ANKHD1: variants seen among roughly 807,000 people sequenced by gnomAD.
ANKHD1 encodes the protein ankyrin repeat and KH domain containing 1.
Under a neutral mutation model 230.5 loss-of-function variants are expected in ANKHD1, and 31 were observed. The ratio of observed to expected loss-of-function variants is 0.13; its 90% CI spans 0.10 to 0.18. The LOEUF is 0.18. Among genes scored for constraint, ANKHD1 ranks in the 10% least tolerant of loss-of-function variants. ANKHD1 has a pLI of 1.00. For missense variants in ANKHD1, 2,256 were observed against 3,071.3 expected, an observed-to-expected ratio of 0.73 and a Z score of 6.27; for synonymous variants, 1,074 against 1,117.6, an observed-to-expected ratio of 0.96 and a Z score of 0.78.
chr5:140,479,752 A>ATATACC (rs891910468), intron 10 of ANKHD1, among the ~76,000 whole-genome samples: 17 of 149,630 alleles, frequency 1.1e-4, no homozygotes, highest in African/African-American at 3.4e-4. Context: ...ATACTTATAT[A>ATATACC]TATACCTATG....
intron 11 of ANKHD1, among the ~76,000 whole-genome samples, chr5:140,483,072 A>T (rs1420864176): frequency 6.6e-6 from 1 of 152,192 alleles, no homozygotes; most frequent in African/African-American, 2.4e-5. Context: ...GGTCTTATTT[A>T]TAATTTTTAT....
intron 9 of ANKHD1, among the ~76,000 whole-genome samples, chr5:140,462,724 C>CAAAAAAAAAAAAAAAA (rs70988762): frequency 1.1e-4 from 10 of 88,984 alleles, no homozygotes; most frequent in South Asian, 5.1e-4. Flanking sequence ...GACTCCATCT[C>CAAAAAAAAAAAAAAAA]AAAAAAAAAA....
At chr5:140,431,302 A>G (rs1466343746) in intron 1 of ANKHD1, among the ~76,000 whole-genome samples, 2 of 152,160 alleles carry the variant, frequency 1.3e-5, no homozygotes, top group Non-Finnish European at 2.9e-5. Flanking sequence ...ATTTTATCAT[A>G]TGGGTCAGAT....
At chr5:140,520,941 A>AG (rs879486986) in intron 24 of ANKHD1, among the ~76,000 whole-genome samples, 6 of 151,976 alleles carry the variant, frequency 3.9e-5, no homozygotes, top group Admixed American at 2.0e-4. Flanking sequence ...AAAAAAAAAA[A>AG]AAAAGACTAT....
chr5:140,445,330 C>T (rs911984600), intron 5 of ANKHD1, among the ~76,000 whole-genome samples: 10 of 152,028 alleles, frequency 6.6e-5, no homozygotes, highest in African/African-American at 2.4e-4. Flanking sequence ...CATGGTGAAA[C>T]CCTGTCTCTC....
At chr5:140,449,380 T>C (rs1774527880) in intron 7 of ANKHD1, 75 bp downstream of exon 7, 1 of 1,507,538 alleles carries the variant, frequency 6.6e-7, no homozygotes, top group Admixed American at 2.0e-5. Flanking sequence ...TAAGAGTGAT[T>C]AATTGCCAGT....
intron 1 of ANKHD1, among the ~76,000 whole-genome samples, chr5:140,418,815 C>G (rs539106446): frequency 6.6e-6 from 1 of 152,318 alleles, no homozygotes; most frequent in East Asian, 1.9e-4. Context: ...ATTGCAGCCT[C>G]CAGTTCTTGG....
At position 140,505,226 on chromosome 5, in the gene ANKHD1, C is replaced by CA; in HGVS notation, c.3261dup (p.Gly1088ArgfsTer18). 6.2e-7 allele frequency: 1 copy of CA among 1,611,774 alleles called. No individual in the cohort carries two copies. The highest frequency in any genetic ancestry group is 8.5e-7 in the Non-Finnish European group (1 of 1,179,358). On this transcript the variant is annotated frameshift_variant, in exon 17 of 34. Coordinates refer to ENST00000360839, the MANE Select transcript of ANKHD1 (RefSeq NM_017747.3). LOFTEE classifies it high-confidence loss of function. ...GGGATGCCAAAATTGAACACAGAGA[C>CA]AAAAAAGGTAAATATCAGTCAGAAA...
intron 14 of ANKHD1, among the ~76,000 whole-genome samples, chr5:140,488,953 G>A (rs1751636164): frequency 6.6e-6 from 1 of 152,082 alleles, no homozygotes; most frequent in Admixed American, 6.5e-5. Flanking sequence ...CACTTTGGCA[G>A]GCCAGGTGGG....
chr5:140,449,563 G>A, intron 7 of ANKHD1, among the ~76,000 whole-genome samples: 1 of 152,150 alleles, frequency 6.6e-6, no homozygotes, highest in East Asian at 1.9e-4. Flanking sequence ...TCGGGAGGCT[G>A]AGGCAGGAGA....
At chr5:140,438,990 A>G (rs1464958749) in intron 3 of ANKHD1, among the ~76,000 whole-genome samples, 2 of 152,190 alleles carry the variant, frequency 1.3e-5, no homozygotes, top group African/African-American at 4.8e-5. Flanking sequence ...GCAGTAGTGT[A>G]GTTGCTTGCT....
intron 15 of ANKHD1, among the ~76,000 whole-genome samples, chr5:140,499,086 A>C (rs1392490841): frequency 6.6e-6 from 1 of 152,082 alleles, no homozygotes. Flanking sequence ...AATAAGTTTT[A>C]AATTTTAAAT....
chr5:140,482,892 G>A (rs1273429464), intron 11 of ANKHD1, among the ~76,000 whole-genome samples: 1 of 152,108 alleles, frequency 6.6e-6, no homozygotes, highest in Non-Finnish European at 1.5e-5. Context: ...AGCAACATGT[G>A]GTTGCTCCCA....
At chr5:140,500,272 A>G (rs1752228262) in intron 15 of ANKHD1, among the ~76,000 whole-genome samples, 1 of 152,308 alleles carries the variant, frequency 6.6e-6, no homozygotes, top group Non-Finnish European at 1.5e-5. Flanking sequence ...TCTATGATAA[A>G]TGCTAAATAT....
chr5:140,432,622 CTA>C (rs1273947205), intron 1 of ANKHD1, among the ~76,000 whole-genome samples: 1 of 152,100 alleles, frequency 6.6e-6, no homozygotes, highest in Non-Finnish European at 1.5e-5. Context: ...TATGATAATT[CTA>C]TGTTTAACTT....
intron 9 of ANKHD1, among the ~76,000 whole-genome samples, chr5:140,461,794 A>G (rs1775720198): frequency 2.0e-5 from 3 of 152,134 alleles, no homozygotes; most frequent in African/African-American, 4.8e-5. Context: ...CCACAATACA[A>G]TTTTCCTACC....
At chr5:140,444,907 T>C (rs976983499) in intron 5 of ANKHD1, among the ~76,000 whole-genome samples, 1 of 152,168 alleles carries the variant, frequency 6.6e-6, no homozygotes, top group Non-Finnish European at 1.5e-5. Flanking sequence ...TTATAACATA[T>C]AGTCTTTTGT....
Position 140,449,219 on chromosome 5 carries a change from G to C in ANKHD1, c.1156G>C (p.Asp386His), listed in dbSNP as rs1246209541. The change falls in exon 7 of 34, where the codon GAT (aspartate) becomes CAT (histidine). Residue 386 changes from aspartate (D) to histidine (H), a missense_variant. By Grantham distance (81) the Asp-to-His change is moderately conservative. This residue lies in a region of ANKHD1 where 206 missense variants were observed against 304.5 expected (regional missense o/e 0.68). Coordinates refer to ENST00000360839, the MANE Select transcript of ANKHD1 (RefSeq NM_017747.3). ...LTLACYKGHL[D>H]MVRFLLEAGA... ...TTGTTCCTTTTTTCAAGGCCATTTG[G>C]ATATGGTTCGCTTTCTACTTGAAGC... 1.2e-6 allele frequency: 2 copies of C among 1,611,094 alleles called. No individual in the cohort carries two copies. The highest frequency in any genetic ancestry group is 2.2e-5 in the East Asian group (1 of 44,806).
At chr5:140,434,942 G>A (rs1406264986) in intron 1 of ANKHD1, among the ~76,000 whole-genome samples, 1 of 152,014 alleles carries the variant, frequency 6.6e-6, no homozygotes, top group Admixed American at 6.6e-5. Flanking sequence ...TCCCAGAAGG[G>A]TTGTATATAT....
Sources: allele counts gnomAD v4.1 joint callset (sites outside exome capture counted in the v4.1 genomes callset), GRCh38; gene constraint gnomAD v4.1.1; regional missense constraint gnomAD v4.1.1; transcripts MANE v1.5; gene names NCBI Gene and HGNC (gene_info 2026-07-23, HGNC 2026-07-21).